Variants in SEC24B observed in about 807,000 individuals in gnomAD.
SEC24B encodes protein transport protein Sec24B.
SEC24B carries 45 observed loss-of-function variants against 142.8 expected under a neutral mutation model. That is an observed-to-expected ratio of 0.32 (90% CI 0.25 to 0.40). The LOEUF (loss-of-function observed/expected upper bound fraction) is 0.40. Among genes scored for constraint, SEC24B ranks in the 10% least tolerant of loss-of-function variants. SEC24B has a pLI of 1.00. For synonymous variants in SEC24B, 574 were observed against 568.2 expected (o/e 1.01, Z -0.15); for missense variants, 1,409 against 1,526.8 (o/e 0.92, Z 1.29).
At chr4:109,438,077 A>G (rs200319608) in intron 1 of SEC24B, among the ~76,000 whole-genome samples, 4 of 152,196 alleles carry the variant, frequency 2.6e-5, no homozygotes, top group Admixed American at 6.5e-5. Context: ...TTGGATCCCT[A>G]CCTTTACAGA....
chr4:109,454,154 C>CT (rs1483710633), intron 1 of SEC24B, among the ~76,000 whole-genome samples: 2 of 151,670 alleles, frequency 1.3e-5, no homozygotes, highest in African/African-American at 2.4e-5. Context: ...ACAGAGCAAA[C>CT]TTTTTTTTTC....
At chr4:109,434,886 G>A (rs1354345234) in intron 1 of SEC24B, among the ~76,000 whole-genome samples, 2 of 152,226 alleles carry the variant, frequency 1.3e-5, no homozygotes, top group African/African-American at 4.8e-5. Flanking sequence ...GCTGCAAAAT[G>A]ATGGATATGC....
intron 11 of SEC24B, 91 bp downstream of exon 11, chr4:109,516,731 G>T (rs1048918030): frequency 2.1e-5 from 14 of 663,662 alleles, no homozygotes; most frequent in African/African-American, 1.3e-4. Context: ...TGTGGGATTG[G>T]GTTTGGTTGT....
chr4:109,450,352 CTCTT>C (rs1176890207), intron 1 of SEC24B, among the ~76,000 whole-genome samples: 20 of 152,030 alleles, frequency 1.3e-4, no homozygotes, highest in Admixed American at 1.2e-3. Flanking sequence ...TTCTACCATT[CTCTT>C]TCTTCTCAAA....
chr4:109,443,301 CCT>C (rs1729106412), intron 1 of SEC24B, among the ~76,000 whole-genome samples: 1 of 152,070 alleles, frequency 6.6e-6, no homozygotes, highest in African/African-American at 2.4e-5. Flanking sequence ...AATTCTGTTC[CCT>C]CTCTTTTAAG....
chr4:109,481,979 A>G (rs550115508), intron 4 of SEC24B, among the ~76,000 whole-genome samples, 198 bp downstream of exon 4: 2 of 152,360 alleles, frequency 1.3e-5, no homozygotes, highest in East Asian at 3.9e-4. Flanking sequence ...TCTTTGCCAT[A>G]TTGTAAATAA....
intron 3 of SEC24B, among the ~76,000 whole-genome samples, chr4:109,474,712 A>G (rs1411526995): frequency 6.6e-6 from 1 of 152,212 alleles, no homozygotes; most frequent in African/African-American, 2.4e-5. Flanking sequence ...GGCGTGAGCC[A>G]CCACGCCCAG....
Position 109,524,960 on chromosome 4 carries a change from G to T in SEC24B, c.2632+19G>T. On this transcript the variant is annotated intron_variant, in intron 15 of 23. Transcript: ENST00000265175. The stretch of plus-strand genomic sequence containing the variant: ...TCTCTAGGTAAGGAAAGTCATCATG[G>T]GTACATTTGTTTAAATGAACATTTT... The T allele has an allele frequency of 6.3e-7, 1 of 1,581,628 alleles. No homozygotes were observed. The highest frequency in any genetic ancestry group is 8.6e-7 in the Non-Finnish European group (1 of 1,166,274).
At chr4:109,443,385 T>A (rs1399350537) in intron 1 of SEC24B, among the ~76,000 whole-genome samples, 1 of 152,176 alleles carries the variant, frequency 6.6e-6, no homozygotes, top group Non-Finnish European at 1.5e-5. Context: ...TTTTATGCAA[T>A]GCATATGTAA....
chr4:109,524,109 C>T (rs953453999), intron 14 of SEC24B, among the ~76,000 whole-genome samples: 23 of 152,062 alleles, frequency 1.5e-4, no homozygotes, highest in African/African-American at 5.6e-4. Flanking sequence ...TTACTGAATC[C>T]TTTGATAGAG....
intron 7 of SEC24B, among the ~76,000 whole-genome samples, chr4:109,509,012 C>T (rs530852137): frequency 6.6e-6 from 1 of 152,024 alleles, no homozygotes; most frequent in Non-Finnish European, 1.5e-5. Context: ...TAGGGTATTA[C>T]AATGAAGAAA....
intron 4 of SEC24B, 132 bp from the exon 5 acceptor site, chr4:109,491,195 A>C: frequency 1.6e-6 from 1 of 628,148 alleles, no homozygotes. Context: ...TCTAGACATC[A>C]ATCATTTTAC....
intron 6 of SEC24B, 121 bp from the exon 7 acceptor site, chr4:109,506,207 C>A: frequency 3.3e-6 from 2 of 610,236 alleles, no homozygotes; most frequent in Non-Finnish European, 4.9e-6. Context: ...GACTGCATAC[C>A]AAGCCAGATT....
intron 3 of SEC24B, among the ~76,000 whole-genome samples, chr4:109,480,270 C>T (rs1733601951): frequency 6.6e-6 from 1 of 150,880 alleles, no homozygotes; most frequent in South Asian, 2.1e-4. Context: ...GTATGCTAGT[C>T]ACCTGAAAAA....
In SEC24B at chr4:109,539,711, C is replaced by T; in HGVS notation, c.*36C>T. ...AATTGAATAAGAAAAAGATCTATAA[C>T]CTAGGTAAAGCATAATCTGTCAGAG... On this transcript the variant is annotated 3_prime_UTR_variant, in exon 24 of 24. Coordinates refer to ENST00000265175, the MANE Select transcript of SEC24B (RefSeq NM_006323.5). 1 of 1,369,662 alleles carries T rather than the reference C, an allele frequency of 7.3e-7. No individual in the cohort carries two copies. The highest frequency in any genetic ancestry group is 1.4e-5 in the African/African-American group (1 of 69,468). The allele number at this position is 1,369,662 out of a possible 1,614,324, so 84.8% of individuals were successfully genotyped here. A position where few individuals can be genotyped will look rare whatever the true frequency, so the allele number is the denominator to read the frequency against.
At chr4:109,464,425 A>G (rs1731645214) in intron 2 of SEC24B, among the ~76,000 whole-genome samples, 1 of 151,886 alleles carries the variant, frequency 6.6e-6, no homozygotes, top group Admixed American at 6.6e-5. Context: ...TGGGACTACC[A>G]GGCATACGCC....
intron 22 of SEC24B, among the ~76,000 whole-genome samples, chr4:109,534,327 C>T (rs1725262131): frequency 6.6e-6 from 1 of 152,010 alleles, no homozygotes; most frequent in Non-Finnish European, 1.5e-5. Flanking sequence ...TGGCTCACGC[C>T]TGTAATCCAA....
At chr4:109,492,202 G>A (rs1561130611) in intron 5 of SEC24B, among the ~76,000 whole-genome samples, 1 of 149,430 alleles carries the variant, frequency 6.7e-6, no homozygotes. Flanking sequence ...CTATGAATCA[G>A]TAGAAAACTA....
At chr4:109,453,461 A>G (rs1453864935) in intron 1 of SEC24B, among the ~76,000 whole-genome samples, 1 of 21,850 alleles carries the variant, frequency 4.6e-5, no homozygotes, top group Non-Finnish European at 9.3e-5. Context: ...CCCCCCCCCG[A>G]ATGGCTGTTA....
Sources: gnomAD v4.1 joint callset for allele counts (sites outside exome capture counted in the v4.1 genomes callset) on GRCh38, gnomAD v4.1.1 for gene constraint, MANE v1.5 for transcripts, NCBI Gene and HGNC (gene_info 2026-07-23, HGNC 2026-07-21) for gene names.